The following CDK13 variants were observed in gnomAD, a reference collection of about 807,000 sequenced individuals.
The protein encoded by CDK13 is cyclin dependent kinase 13.
CDK13 carries 40 observed loss-of-function variants against 137.6 expected under a neutral mutation model. That is an observed-to-expected ratio of 0.29 (90% confidence interval 0.23 to 0.38). The LOEUF (loss-of-function observed/expected upper bound fraction) is 0.38, where lower values mean the gene tolerates loss of function less well. CDK13 is among the 10% of genes least tolerant of loss of function. The pLI is 1.00. For synonymous variants in CDK13, 869 were observed against 760.1 expected, an observed-to-expected ratio of 1.14 and a Z score of -2.36; for missense variants, 1,704 against 1,951.8, an observed-to-expected ratio of 0.87 and a Z score of 2.39.
At chr7:40,000,402 G>C (rs1413233148) in intron 4 of CDK13, among the ~76,000 whole-genome samples, 3 of 152,080 alleles carry the variant, frequency 2.0e-5, no homozygotes, top group Admixed American at 1.3e-4. Flanking sequence ...AATTAGCCAG[G>C]TGTGGTGGTG....
rs922655724 is a variant in CDK13 at position 39,950,497 on chromosome 7, C to T, written c.-145C>T. 2.4e-6 allele frequency: 3 copies of T among 1,262,786 alleles called. No homozygotes were observed. Among genetic ancestry groups the T allele is most frequent in the Non-Finnish European group, 3.0e-6 (3 of 1,005,172 alleles). 78.2% of individuals were successfully genotyped at this position (1,262,786 alleles called of 1,614,324 possible). On this transcript the variant is annotated 5_prime_UTR_variant, in exon 1 of 14. Coordinates refer to ENST00000181839, the MANE Select transcript of CDK13 (RefSeq NM_003718.5). ...TGGAACCCAGGGACCCGAGTCCCGA[C>T]CCGGATTATCGTGGCGCTTTTCCCG... is the stretch of plus-strand genomic sequence containing the variant.
intron 7 of CDK13, among the ~76,000 whole-genome samples, chr7:40,055,156 CTGTGTGTGTGTGTG>C (rs56001601): frequency 1.6e-4 from 22 of 140,436 alleles, no homozygotes; most frequent in South Asian, 1.2e-3. Flanking sequence ...GGCAGAAGGA[CTGTGTGTGTGTGTG>C]TGTGTGTGTG....
At chr7:40,084,249 G>A (rs368377995) in intron 11 of CDK13, among the ~76,000 whole-genome samples, 102 of 152,232 alleles carry the variant, frequency 6.7e-4, no homozygotes, top group Middle Eastern at 3.4e-3. Context: ...GGGAGGCCGA[G>A]GTGGGCAGAT....
intron 1 of CDK13, chr7:39,952,065 T>C: frequency 2.4e-6 from 1 of 409,772 alleles, no homozygotes; most frequent in Non-Finnish European, 4.2e-6. Context: ...GAAGGGAACT[T>C]TTCTCCTAGC....
intron 1 of CDK13, among the ~76,000 whole-genome samples, chr7:39,983,157 A>C (rs1362590977): frequency 1.3e-5 from 2 of 152,182 alleles, no homozygotes; most frequent in African/African-American, 2.4e-5. Flanking sequence ...TTTTAGGTAT[A>C]ACGTTTAAGT....
intron 1 of CDK13, among the ~76,000 whole-genome samples, chr7:39,972,808 A>C (rs1317292707): frequency 6.6e-6 from 1 of 152,126 alleles, no homozygotes; most frequent in East Asian, 1.9e-4. Context: ...TCTCTTGAGC[A>C]TATATCTAGG....
chr7:40,094,216 C>G lies in CDK13; in HGVS notation c.3775C>G (p.Gln1259Glu). The change falls in exon 14 of 14, where the codon CAA becomes GAA. Residue 1259 changes from glutamine to glutamate, a missense_variant. By Grantham distance (29) the Gln-to-Glu change is conservative. This residue lies in a region of CDK13 where 475 missense variants were observed against 579.3 expected (regional missense o/e 0.82). Transcript: ENST00000181839. ...CCGGCCTCGAATTCTGCCTCCTGACCAACGACCTCCCGAGCCTCCTGAACC... is the reference window on the plus strand; with the variant it reads ...CCGGCCTCGAATTCTGCCTCCTGACGAACGACCTCCCGAGCCTCCTGAACC... ...PDRPRILPPD[Q>E]RPPEPPEPPP... is the part of the protein sequence containing the mutation. The G allele has an allele frequency of 6.2e-7, 1 of 1,613,744 alleles. No homozygotes were observed. Among genetic ancestry groups the G allele is most frequent in the Non-Finnish European group, 8.5e-7 (1 of 1,179,932 alleles).
intron 1 of CDK13, among the ~76,000 whole-genome samples, chr7:39,983,854 G>T (rs1386035695): frequency 6.6e-6 from 1 of 151,864 alleles, no homozygotes; most frequent in Non-Finnish European, 1.5e-5. Context: ...TTCACAACCA[G>T]CTTACAATCA....
chr7:39,997,258 C>T (rs559531280), intron 2 of CDK13, among the ~76,000 whole-genome samples: 1 of 152,196 alleles, frequency 6.6e-6, no homozygotes, highest in East Asian at 1.9e-4. Flanking sequence ...AAAGTTCCTA[C>T]TTTATACAGA....
At chr7:39,954,529 A>G (rs1487664629) in intron 1 of CDK13, among the ~76,000 whole-genome samples, 2 of 152,172 alleles carry the variant, frequency 1.3e-5, no homozygotes, top group African/African-American at 4.8e-5. Flanking sequence ...TACACTCTTA[A>G]TAAATGTTGA....
At chr7:39,963,229 C>T (rs1209957613) in intron 1 of CDK13, among the ~76,000 whole-genome samples, 1 of 152,152 alleles carries the variant, frequency 6.6e-6, no homozygotes, top group Non-Finnish European at 1.5e-5. Context: ...TGGCCATTTT[C>T]ATGATATTGA....
chr7:39,963,925 T>C lies in CDK13; in HGVS notation c.1211+12073T>C, dbSNP rs574144560. Among the ~76,000 whole-genome samples, 5 of 152,336 alleles carry C rather than the reference T, an allele frequency of 3.3e-5. No individual in the cohort carries two copies. The East Asian group carries it at 9.6e-4, about 29-fold the overall frequency. ...CCGTTTATATGCTGGATTACGTTTATTGATTTGCATATGTTGAACCAGCCT... is the reference window on the plus strand; with the variant it reads ...CCGTTTATATGCTGGATTACGTTTACTGATTTGCATATGTTGAACCAGCCT... On this transcript the variant is annotated intron_variant, in intron 1 of 13. Coordinates refer to ENST00000181839, the MANE Select transcript of CDK13 (RefSeq NM_003718.5).
At chr7:40,074,910 A>G (rs972312052) in intron 9 of CDK13, among the ~76,000 whole-genome samples, 1 of 152,188 alleles carries the variant, frequency 6.6e-6, no homozygotes, top group African/African-American at 2.4e-5. Context: ...ATAAATAAAT[A>G]AAGGAAAGAA....
chr7:40,013,454 A>G (rs1354276870), intron 5 of CDK13, among the ~76,000 whole-genome samples: 1 of 152,246 alleles, frequency 6.6e-6, no homozygotes, highest in African/African-American at 2.4e-5. Flanking sequence ...GAAGTAATAC[A>G]TGCTACTATT....
intron 9 of CDK13, among the ~76,000 whole-genome samples, chr7:40,063,470 G>C (rs1252257035): frequency 6.6e-6 from 1 of 151,888 alleles, no homozygotes; most frequent in Non-Finnish European, 1.5e-5. Flanking sequence ...ATGTTTTGGG[G>C]TATTGTTTAA....
chr7:39,982,532 G>T (rs1206795022), intron 1 of CDK13, among the ~76,000 whole-genome samples: 6 of 152,208 alleles, frequency 3.9e-5, no homozygotes, highest in Admixed American at 6.5e-5. Flanking sequence ...TATATACCCA[G>T]TAATGGGATG....
At chr7:39,966,428 C>T (rs527236413) in intron 1 of CDK13, among the ~76,000 whole-genome samples, 6 of 152,332 alleles carry the variant, frequency 3.9e-5, no homozygotes, top group South Asian at 2.1e-4. Flanking sequence ...GCATTCATCA[C>T]GTAGTTCTTG....
At chr7:40,024,678 T>A in intron 5 of CDK13, among the ~76,000 whole-genome samples, 2 of 93,126 alleles carry the variant, frequency 2.1e-5, no homozygotes, top group African/African-American at 7.5e-5. Flanking sequence ...TTTTTTTTTT[T>A]CCTGAGACAG....
chr7:40,001,968 A>G lies in CDK13; in HGVS notation c.2290A>G (p.Ile764Val). Residue 764 changes from isoleucine (I) to valine (V), a missense_variant, in exon 5 of 14, where the codon ATT becomes GTT. Ile to Val is a conservative substitution (Grantham distance 29). Around this residue, in one of 5 missense-constraint regions of CDK13, gnomAD observed 130 missense variants for 362.4 expected, o/e 0.36. Coordinates refer to ENST00000181839, the MANE Select transcript of CDK13 (RefSeq NM_003718.5). ...KILRQLTHQSIINMKEIVTDK... is the reference protein window; with the variant it reads ...KILRQLTHQSVINMKEIVTDK... ...TCTCCGGCAGCTTACCCATCAGAGT[A>G]TTATCAATATGAAGGAAATAGTGAC... The G allele has an allele frequency of 1.2e-6, 2 of 1,610,774 alleles. No individual in the cohort carries two copies. Among genetic ancestry groups the G allele is most frequent in the Non-Finnish European group, 8.5e-7 (1 of 1,177,460 alleles).
Sources: allele counts gnomAD v4.1 joint callset (sites outside exome capture counted in the v4.1 genomes callset), GRCh38; gene constraint gnomAD v4.1.1; regional missense constraint gnomAD v4.1.1; transcripts MANE v1.5; gene names NCBI Gene and HGNC (gene_info 2026-07-23, HGNC 2026-07-21).